The following NXPH1 variants were observed in gnomAD, a reference collection of about 807,000 sequenced individuals.
The protein encoded by NXPH1 is neurexophilin-1.
Under a neutral mutation model 23.7 loss-of-function variants are expected in NXPH1, and 5 were observed. The observed-to-expected ratio is 0.21, with a 90% CI of 0.11 to 0.44. NXPH1 has a LOEUF of 0.44. Among genes scored for constraint, NXPH1 ranks in the 20% least tolerant of loss-of-function variants. The pLI, the probability that NXPH1 is intolerant of heterozygous loss-of-function variation, is 0.99. For missense variants in NXPH1, 324 were observed against 321.6 expected (o/e 1.01, Z -0.06); for synonymous variants, 144 against 122.2 (o/e 1.18, Z -1.18).
intron 2 of NXPH1, among the ~76,000 whole-genome samples, chr7:8,688,726 C>T (rs1176596370): frequency 2.0e-5 from 3 of 152,194 alleles, no homozygotes; most frequent in Non-Finnish European, 4.4e-5. Context: ...CTCCTGCTCT[C>T]ATTTATCTCA....
At chr7:8,554,968 T>C (rs1411889636) in intron 2 of NXPH1, among the ~76,000 whole-genome samples, 1 of 151,692 alleles carries the variant, frequency 6.6e-6, no homozygotes, top group Non-Finnish European at 1.5e-5. Flanking sequence ...GTTAAATCCC[T>C]TTTGGATCAA....
chr7:8,532,146 G>C (rs1584215761), intron 2 of NXPH1, among the ~76,000 whole-genome samples: 1 of 152,164 alleles, frequency 6.6e-6, no homozygotes, highest in East Asian at 1.9e-4. Context: ...CAGACTCTTA[G>C]TAACCAATAT....
At chr7:8,485,235 G>A (rs182709987) in intron 2 of NXPH1, among the ~76,000 whole-genome samples, 4 of 152,238 alleles carry the variant, frequency 2.6e-5, no homozygotes, top group Admixed American at 2.0e-4. Flanking sequence ...GTGCTCTCTT[G>A]CCTGCCTCCA....
chr7:8,603,823 A>G (rs1819415833), intron 2 of NXPH1, among the ~76,000 whole-genome samples: 2 of 152,028 alleles, frequency 1.3e-5, no homozygotes, highest in African/African-American at 4.8e-5. Context: ...TTTTCTTTTA[A>G]TTAAAAAGTC....
At position 8,609,351 on chromosome 7, in the gene NXPH1, C is replaced by T. The variant is rs375962494; in HGVS notation, c.55-141657C>T. On this transcript the variant is annotated intron_variant, in intron 2 of 2. Coordinates refer to ENST00000405863, the MANE Select transcript of NXPH1 (RefSeq NM_152745.3). ...GGCTTTATAGTTTACATTTTGTAGACGAAGAATATAACAATCAAGAAACAG... is the reference window on the plus strand; with the variant it reads ...GGCTTTATAGTTTACATTTTGTAGATGAAGAATATAACAATCAAGAAACAG... Among the ~76,000 whole-genome samples the T allele has an allele frequency of 2.8e-4, 42 of 151,970 alleles. No homozygotes were observed. In the South Asian group the frequency reaches 5.2e-3, roughly 19 times the overall value.
rs554732573 is a variant in NXPH1 at position 8,552,471 on chromosome 7, G to A, written c.54+116704G>A. On this transcript the variant is annotated intron_variant, in intron 2 of 2. Transcript: ENST00000405863. ...AATGGCATTAGCACAGCAATCAGAT[G>A]TCAAGGTGAAAGAAACATGTCTGCC... Among the ~76,000 whole-genome samples, 115 of 151,504 alleles carry A rather than the reference G, an allele frequency of 7.6e-4. 1 individual carries two copies. In the South Asian group the frequency reaches 0.022, roughly 30 times the overall value.
At chr7:8,497,816 C>T (rs1050896259) in intron 2 of NXPH1, among the ~76,000 whole-genome samples, 1 of 152,056 alleles carries the variant, frequency 6.6e-6, no homozygotes, top group Non-Finnish European at 1.5e-5. Context: ...TGTAGGTTGC[C>T]TGTTCACTGT....
intron 2 of NXPH1, among the ~76,000 whole-genome samples, chr7:8,501,018 G>A (rs1817421673): frequency 6.6e-6 from 1 of 152,020 alleles, no homozygotes; most frequent in Non-Finnish European, 1.5e-5. Context: ...AATCTTGAAA[G>A]GTCTGGTCTG....
intron 2 of NXPH1, among the ~76,000 whole-genome samples, chr7:8,694,714 A>G (rs1208221759): frequency 1.3e-5 from 2 of 152,176 alleles, no homozygotes; most frequent in African/African-American, 4.8e-5. Context: ...ATCTCATTCT[A>G]CTTTCTATGC....
At chr7:8,554,286 C>T (rs891972800) in intron 2 of NXPH1, among the ~76,000 whole-genome samples, 1 of 151,622 alleles carries the variant, frequency 6.6e-6, no homozygotes, top group African/African-American at 2.4e-5. Context: ...AGGGGCAATC[C>T]TTCAGTCTAA....
intron 2 of NXPH1, among the ~76,000 whole-genome samples, chr7:8,742,207 A>G: frequency 6.6e-6 from 1 of 152,174 alleles, no homozygotes; most frequent in East Asian, 1.9e-4. Context: ...TTGGGTATGG[A>G]TGACTCATTT....
chr7:8,706,654 T>C (rs1009976918), intron 2 of NXPH1, among the ~76,000 whole-genome samples: 1 of 152,298 alleles, frequency 6.6e-6, no homozygotes, highest in Middle Eastern at 3.4e-3. Context: ...AATGGGTTCA[T>C]GGTCATGGTG....
At chr7:8,615,212 G>A (rs987536490) in intron 2 of NXPH1, among the ~76,000 whole-genome samples, 1 of 152,042 alleles carries the variant, frequency 6.6e-6, no homozygotes, top group Admixed American at 6.6e-5. Flanking sequence ...TTTCAGGAAT[G>A]GGATTGCGGG....
intron 2 of NXPH1, among the ~76,000 whole-genome samples, chr7:8,501,729 G>A (rs1357327048): frequency 3.3e-5 from 5 of 152,124 alleles, no homozygotes; most frequent in East Asian, 1.9e-4. Context: ...TGTCATTGGC[G>A]CTTTATAAAT....
chr7:8,567,417 C>A (rs1000150042), intron 2 of NXPH1, among the ~76,000 whole-genome samples: 1 of 151,882 alleles, frequency 6.6e-6, no homozygotes, highest in African/African-American at 2.4e-5. Flanking sequence ...AGGCTGTGGG[C>A]AGGGCCCACA....
intron 2 of NXPH1, among the ~76,000 whole-genome samples, chr7:8,472,335 G>C (rs180697098): frequency 1.3e-5 from 2 of 152,228 alleles, no homozygotes; most frequent in Admixed American, 1.3e-4. Context: ...GATTTCATGA[G>C]TGAACACATT....
At chr7:8,600,766 T>C (rs1819340747) in intron 2 of NXPH1, among the ~76,000 whole-genome samples, 1 of 152,166 alleles carries the variant, frequency 6.6e-6, no homozygotes, top group Non-Finnish European at 1.5e-5. Flanking sequence ...AACCACTTTG[T>C]TTTCATTAGG....
chr7:8,546,738 A>G (rs1019245434), intron 2 of NXPH1, among the ~76,000 whole-genome samples: 3 of 151,350 alleles, frequency 2.0e-5, no homozygotes, highest in Admixed American at 6.6e-5. Flanking sequence ...ATCCCCTACC[A>G]TAAGCTTGTC....
At chr7:8,723,532 T>A (rs972037512) in intron 2 of NXPH1, among the ~76,000 whole-genome samples, 4 of 152,360 alleles carry the variant, frequency 2.6e-5, no homozygotes, top group Admixed American at 2.6e-4. Context: ...GGATTTTTGG[T>A]ATAACATTTT....
Sources: gnomAD v4.1 joint callset for allele counts (sites outside exome capture counted in the v4.1 genomes callset) on GRCh38, gnomAD v4.1.1 for gene constraint, MANE v1.5 for transcripts, NCBI Gene and HGNC (gene_info 2026-07-23, HGNC 2026-07-21) for gene names.